The following SPATS2 variants were observed in gnomAD, a reference collection of about 807,000 sequenced individuals.
SPATS2 encodes spermatogenesis associated serine rich 2.
In SPATS2, 38 loss-of-function variants were observed where a neutral mutation model predicts 63.7. The observed-to-expected ratio is 0.60, with a 90% CI of 0.46 to 0.78. The LOEUF is 0.78. Ranked by LOEUF, SPATS2 falls within the 30% of genes least tolerant of loss-of-function variation. The probability of loss-of-function intolerance (pLI) is 0.00; values close to 1 mark genes in which losing one functional copy is unlikely to be tolerated. For synonymous variants in SPATS2, 207 were observed against 232.9 expected (o/e 0.89, Z 1.01); for missense variants, 588 against 666.2 (o/e 0.88, Z 1.29).
At chr12:49,391,077 C>A (rs1944409526) in intron 2 of SPATS2, among the ~76,000 whole-genome samples, 1 of 151,474 alleles carries the variant, frequency 6.6e-6, no homozygotes, top group African/African-American at 2.4e-5. Context: ...ATTAAAATTT[C>A]AAAAAAAAAT....
intron 1 of SPATS2, among the ~76,000 whole-genome samples, chr12:49,368,965 A>G (rs1391497698): frequency 6.6e-6 from 1 of 151,584 alleles, no homozygotes; most frequent in African/African-American, 2.4e-5. Context: ...TACTTTTCTT[A>G]GATGTTATGA....
intron 3 of SPATS2, among the ~76,000 whole-genome samples, chr12:49,467,138 T>TC (rs1213983382): frequency 1.5e-5 from 2 of 136,070 alleles, no homozygotes; most frequent in East Asian, 5.0e-4. Context: ...AGCCTCTGCC[T>TC]CCCAGGTTCA....
intron 3 of SPATS2, among the ~76,000 whole-genome samples, chr12:49,475,831 A>G (rs997316689): frequency 6.6e-5 from 10 of 152,184 alleles, no homozygotes; most frequent in Admixed American, 3.3e-4. Flanking sequence ...AGGAAAACAA[A>G]TTCCAGGCTA....
At chr12:49,525,692 T>C (rs1947020711) in intron 13 of SPATS2, among the ~76,000 whole-genome samples, 1 of 152,226 alleles carries the variant, frequency 6.6e-6, no homozygotes, top group South Asian at 2.1e-4. Context: ...CTTATCTTTC[T>C]TCTTGCATCC....
At chr12:49,447,644 G>A (rs918319023) in intron 2 of SPATS2, among the ~76,000 whole-genome samples, 8 of 152,150 alleles carry the variant, frequency 5.3e-5, no homozygotes, top group African/African-American at 1.9e-4. Flanking sequence ...GTGTGGGAAG[G>A]ATTTTAGATT....
chr12:49,467,401 T>A (rs563862829), intron 3 of SPATS2, among the ~76,000 whole-genome samples: 4 of 152,244 alleles, frequency 2.6e-5, no homozygotes, highest in Non-Finnish European at 5.9e-5. Context: ...GACTGATCTC[T>A]GAGTCTAGCA....
chr12:49,514,111 C>T (rs756887210), intron 9 of SPATS2, among the ~76,000 whole-genome samples: 21 of 150,640 alleles, frequency 1.4e-4, no homozygotes, highest in Non-Finnish European at 2.4e-4. Context: ...GAGCCAAGAT[C>T]GCGCCACTGC....
chr12:49,483,745 A>C (rs951537945), intron 3 of SPATS2, among the ~76,000 whole-genome samples: 1 of 152,178 alleles, frequency 6.6e-6, no homozygotes, highest in Non-Finnish European at 1.5e-5. Context: ...GCTACTTCCA[A>C]GTACAGTGCA....
chr12:49,380,918 T>G (rs537688284), intron 2 of SPATS2, among the ~76,000 whole-genome samples: 128 of 151,824 alleles, frequency 8.4e-4, no homozygotes, highest in African/African-American at 2.9e-3. Flanking sequence ...GGTGTCATAG[T>G]GTACATATAA....
At chr12:49,374,958 C>CAAAA (rs10687716) in intron 2 of SPATS2, among the ~76,000 whole-genome samples, 470 of 24,732 alleles carry the variant, frequency 0.019, 59 homozygotes, top group Middle Eastern at 0.062. Context: ...GGATCTGTCT[C>CAAAA]AAAAAAAAAA....
At chr12:49,450,434 C>T (rs1481439992) in intron 2 of SPATS2, among the ~76,000 whole-genome samples, 2 of 151,794 alleles carry the variant, frequency 1.3e-5, no homozygotes, top group Admixed American at 6.6e-5. Context: ...TTAGTAGAGA[C>T]GGGGTTTCAC....
intron 9 of SPATS2, among the ~76,000 whole-genome samples, chr12:49,508,560 G>C (rs1189587227): frequency 6.6e-6 from 1 of 152,096 alleles, no homozygotes; most frequent in Non-Finnish European, 1.5e-5. Flanking sequence ...CACTCACTAA[G>C]GGGGCTTAAC....
upstream of SPATS2, chr12:49,367,207 T>C (rs917495940): frequency 1.0e-5 from 2 of 199,388 alleles, no homozygotes; most frequent in African/African-American, 4.7e-5. Flanking sequence ...GCGCACCCGT[T>C]GGCTGCCACA....
chr12:49,471,407 G>T (rs144540383), intron 3 of SPATS2, among the ~76,000 whole-genome samples: 226 of 152,288 alleles, frequency 1.5e-3, no homozygotes, highest in African/African-American at 5.3e-3. Context: ...GGCACAGTCA[G>T]CTCACTGCAG....
chr12:49,412,693 C>CCATGAT (rs149798707), intron 2 of SPATS2, among the ~76,000 whole-genome samples: 2,670 of 151,352 alleles, frequency 0.018, 40 homozygotes, highest in Non-Finnish European at 0.026. Context: ...CTTCAGTGAG[C>CCATGAT]CATGATCACA....
intron 2 of SPATS2, among the ~76,000 whole-genome samples, chr12:49,380,896 T>TC (rs200543605): frequency 6.6e-6 from 1 of 151,362 alleles, no homozygotes; most frequent in African/African-American, 2.4e-5. Flanking sequence ...TTTTTTTTTT[T>TC]CCTCAAAAGC....
chr12:49,469,446 G>A (rs1459995474), intron 3 of SPATS2: 5 of 301,538 alleles, frequency 1.7e-5, no homozygotes, highest in South Asian at 4.9e-5. Flanking sequence ...TGTAGTCCCA[G>A]ATATTTGGGA....
intron 2 of SPATS2, among the ~76,000 whole-genome samples, chr12:49,400,746 C>G (rs141335321): frequency 3.0e-4 from 45 of 152,128 alleles, no homozygotes; most frequent in Admixed American, 7.9e-4. Flanking sequence ...TAAAATGTAC[C>G]AAATAGAGGA....
At position 49,511,238 on chromosome 12, in the gene SPATS2, G is replaced by A. The variant is rs942368935; in HGVS notation, c.840-3317G>A. On this transcript the variant is annotated intron_variant, in intron 9 of 13. Coordinates refer to ENST00000552918, the MANE Select transcript of SPATS2 (RefSeq NM_023071.4). Reference sequence around the variant, plus strand: ...ATCTTATAGAATAAGTCGAGCAAATGTGAACATGGTAAGGAAGTCCTGAAA... The same window carrying A: ...ATCTTATAGAATAAGTCGAGCAAATATGAACATGGTAAGGAAGTCCTGAAA... Among the ~76,000 whole-genome samples, 4 of 151,572 alleles carry A rather than the reference G, an allele frequency of 2.6e-5. No individual in the cohort carries two copies. The South Asian group carries it at 8.3e-4, about 32-fold the overall frequency.
Sources: gnomAD v4.1 joint callset for allele counts (sites outside exome capture counted in the v4.1 genomes callset) on GRCh38, gnomAD v4.1.1 for gene constraint, MANE v1.5 for transcripts, NCBI Gene and HGNC (gene_info 2026-07-23, HGNC 2026-07-21) for gene names.